The following ALDH1L2 variants were observed in gnomAD, a reference collection of about 807,000 sequenced individuals.
The protein encoded by ALDH1L2 is mitochondrial 10-formyltetrahydrofolate dehydrogenase.
A neutral mutation model predicts 111.0 loss-of-function variants in ALDH1L2; 91 were observed. That is an observed-to-expected ratio of 0.82 (90% CI 0.69 to 0.98). The LOEUF (loss-of-function observed/expected upper bound fraction) is 0.98. ALDH1L2 is among the 50% of genes least tolerant of loss of function. The probability of loss-of-function intolerance (pLI) is 0.00; values close to 1 mark genes in which losing one functional copy is unlikely to be tolerated. For missense variants in ALDH1L2, 995 were observed against 1,126.8 expected (o/e 0.88, Z 1.67); for synonymous variants, 374 against 392.6 (o/e 0.95, Z 0.56).
chr12:105,063,488 AAAGAAAG>A (rs1877138494), intron 6 of ALDH1L2, among the ~76,000 whole-genome samples: 1 of 149,420 alleles, frequency 6.7e-6, no homozygotes, highest in South Asian at 2.1e-4. Flanking sequence ...AGAAAAAAAA[AAAGAAAG>A]AAAGAAAGAA....
chr12:105,083,621 A>AT lies in ALDH1L2; in HGVS notation c.48+767dup, dbSNP rs151228266. On this transcript the variant is annotated intron_variant, in intron 1 of 22. Coordinates refer to ENST00000258494, the MANE Select transcript of ALDH1L2 (RefSeq NM_001034173.4). ...AGATACGATACATAAGACAGTTTTT[A>AT]TTTTTTTTTTTTCTCTCTCTCTCTT... Among the ~76,000 whole-genome samples, 1,096 of 138,114 alleles carry AT rather than the reference A, an allele frequency of 7.9e-3. 13 individuals are homozygous for AT. Among genetic ancestry groups the AT allele is most frequent in the African/African-American group, 0.027 (955 of 35,412 alleles). 90.6% of individuals were successfully genotyped at this position (138,114 alleles called of 152,430 possible).
In ALDH1L2 at chr12:105,026,763, A is replaced by G. The variant is rs1475780361; in HGVS notation, c.2517-19T>C. The G allele has an allele frequency of 1.2e-6, 2 of 1,611,050 alleles. No homozygotes were observed. The highest frequency in any genetic ancestry group is 1.1e-5 in the South Asian group (1 of 90,220). On this transcript the variant is annotated intron_variant, in intron 21 of 22. Transcript: ENST00000258494. The stretch of plus-strand genomic sequence containing the variant: ...GATGTCCCTGTGTTTTTAGGAAGAC[A>G]TAAAACTTCATTAAATGTAAAGCAA...
rs1877621629 is a variant in ALDH1L2 at position 105,070,558 on chromosome 12, A to G, written c.428+12T>C. On this transcript the variant is annotated intron_variant, in intron 3 of 22. Transcript: ENST00000258494. ...CATCTCAAAAAAAAAAAGTAAAAAG[A>G]AAAAATCTCACCAATTGATAGCAGA... 4 of 1,587,322 alleles carry G rather than the reference A, an allele frequency of 2.5e-6. No homozygotes were observed. Among genetic ancestry groups the G allele is most frequent in the South Asian group, 2.3e-5 (2 of 85,774 alleles).
At position 105,049,051 on chromosome 12, in the gene ALDH1L2, T is replaced by A. The variant is rs956395791; in HGVS notation, c.1686+857A>T. Among the ~76,000 whole-genome samples, 91 of 152,030 alleles carry A rather than the reference T, an allele frequency of 6.0e-4. 1 individual carries two copies. Among genetic ancestry groups the A allele is most frequent in the African/African-American group, 2.1e-3 (87 of 41,468 alleles). On this transcript the variant is annotated intron_variant, in intron 13 of 22. Transcript: ENST00000258494. ...TCTCAAAAGAAAGAAAAAAAAATTT[T>A]TTTTTAATTTATTTCTCCTAGGACA...
At chr12:105,052,048 A>G in intron 12 of ALDH1L2, 42 bp downstream of exon 12, 3 of 1,488,926 alleles carry the variant, frequency 2.0e-6, no homozygotes, top group Non-Finnish European at 2.7e-6. Flanking sequence ...TCTCTACCAG[A>G]GTTACTTTTC....
Position 105,066,597 on chromosome 12 carries a change from CAT to C in ALDH1L2, c.665_666del (p.Tyr222Ter). On this transcript the variant is annotated frameshift_variant, in exon 5 of 23. Coordinates refer to ENST00000258494, the MANE Select transcript of ALDH1L2 (RefSeq NM_001034173.4). LOFTEE classifies it high-confidence loss of function. ...GCATTTTCCTTTTTCTGGATACCTT[CAT>C]ATGTTGCCCCTTCTTCTGGCTGGGG... The part of the protein sequence containing the change: ...RIPQPEEGAT[Y>X]EGIQKKENAE... 6.2e-7 allele frequency: 1 copy of C among 1,614,152 alleles called. No individual in the cohort carries two copies. Among genetic ancestry groups the C allele is most frequent in the South Asian group, 1.1e-5 (1 of 91,076 alleles).
At chr12:105,063,649 C>G (rs138788998) in intron 6 of ALDH1L2, among the ~76,000 whole-genome samples, 1 of 125,696 alleles carries the variant, frequency 8.0e-6, no homozygotes, top group Non-Finnish European at 1.6e-5. Flanking sequence ...CCTTTATAGC[C>G]TGAAGGTAGG....
intron 10 of ALDH1L2, among the ~76,000 whole-genome samples, chr12:105,055,235 G>C (rs973299822): frequency 8.5e-5 from 13 of 152,160 alleles, no homozygotes; most frequent in African/African-American, 2.9e-4. Context: ...CACACACACA[G>C]AGCCCCCTCA....
intron 19 of ALDH1L2, among the ~76,000 whole-genome samples, chr12:105,034,052 G>A (rs1874842817): frequency 6.6e-6 from 1 of 152,008 alleles, no homozygotes; most frequent in African/African-American, 2.4e-5. Context: ...ACCAACTCCT[G>A]GCCAATTTAT....
chr12:105,061,635 T>C lies in ALDH1L2; in HGVS notation c.1039A>G (p.Thr347Ala). 1.9e-6 allele frequency: 3 copies of C among 1,614,132 alleles called. No homozygotes were observed. The highest frequency in any genetic ancestry group is 2.5e-6 in the Non-Finnish European group (3 of 1,180,010). Residue 347 changes from threonine to alanine, a missense_variant, in exon 8 of 23, where the codon ACC becomes GCC. By Grantham distance (58) the Thr-to-Ala change is moderately conservative. Coordinates refer to ENST00000258494, the MANE Select transcript of ALDH1L2 (RefSeq NM_001034173.4). ...LTAEEVKVAE[T>A]IKVIWAGILS... is the part of the protein sequence containing the mutation. Reference sequence around the variant, plus strand: ...AGTCATCATGTGTTCACCTTGATGGTCTCTGCCACTTTCACCTCTTCAGCT... The same window carrying C: ...AGTCATCATGTGTTCACCTTGATGGCCTCTGCCACTTTCACCTCTTCAGCT...
At chr12:105,076,331 G>T (rs912062606) in intron 1 of ALDH1L2, among the ~76,000 whole-genome samples, 2 of 152,170 alleles carry the variant, frequency 1.3e-5, no homozygotes, top group African/African-American at 4.8e-5. Flanking sequence ...GGAAGAAATG[G>T]TGGAAATAAG....
chr12:105,060,906 G>T, intron 9 of ALDH1L2, 75 bp downstream of exon 9: 3 of 1,333,632 alleles, frequency 2.2e-6, no homozygotes, highest in Non-Finnish European at 3.2e-6. Flanking sequence ...GATGTGTGTG[G>T]ATTTCACTGT....
At chr12:105,072,373 T>G (rs1877788391) in intron 2 of ALDH1L2, 1 of 151,934 alleles carries the variant, frequency 6.6e-6, no homozygotes, top group Admixed American at 6.6e-5. Context: ...CAAAATTCAT[T>G]GACTTAGGAT....
chr12:105,061,834 A>T, intron 7 of ALDH1L2, 82 bp from the exon 8 acceptor site: 2 of 1,526,066 alleles, frequency 1.3e-6, no homozygotes, highest in Non-Finnish European at 1.8e-6. Context: ...AGTCCTATAG[A>T]TTATATGCAT....
intron 1 of ALDH1L2, among the ~76,000 whole-genome samples, chr12:105,076,505 G>C (rs117648785): frequency 6.6e-6 from 1 of 152,198 alleles, no homozygotes; most frequent in African/African-American, 2.4e-5. Flanking sequence ...GCTGCTAAGA[G>C]GCAGCCCTGA....
At chr12:105,062,587 CCT>C (rs776930835) in intron 7 of ALDH1L2, among the ~76,000 whole-genome samples, 3 of 152,174 alleles carry the variant, frequency 2.0e-5, no homozygotes, top group Non-Finnish European at 4.4e-5. Flanking sequence ...ACAAGATTCT[CCT>C]CTCTGTTATA....
chr12:105,038,279 AACACAC>A (rs555214940), intron 17 of ALDH1L2, 77 bp from the exon 18 acceptor site: 62,633 of 242,610 alleles, frequency 0.26, 5,058 homozygotes, highest in Middle Eastern at 0.3. Context: ...CACACACACA[AACACAC>A]ACACACACAC....
At chr12:105,035,583 G>C (rs1488531447) in intron 18 of ALDH1L2, among the ~76,000 whole-genome samples, 1 of 152,020 alleles carries the variant, frequency 6.6e-6, no homozygotes, top group African/African-American at 2.4e-5. Flanking sequence ...CTCCCAAAGT[G>C]CTGAGATTAT....
At chr12:105,046,250 T>G (rs11112339) in intron 15 of ALDH1L2, among the ~76,000 whole-genome samples, 2 of 78,888 alleles carry the variant, frequency 2.5e-5, no homozygotes, top group Non-Finnish European at 4.7e-5. Context: ...TTTTTTTTTT[T>G]TGTGAGACAG....
Sources: allele counts gnomAD v4.1 joint callset (sites outside exome capture counted in the v4.1 genomes callset), GRCh38; gene constraint gnomAD v4.1.1; transcripts MANE v1.5; gene names NCBI Gene and HGNC (gene_info 2026-07-23, HGNC 2026-07-21).